The following PTPRD variants were observed in gnomAD, a reference collection of about 807,000 sequenced individuals.
PTPRD encodes the protein protein tyrosine phosphatase receptor type D.
In PTPRD, 34 loss-of-function variants were observed where a neutral mutation model predicts 214.5. That is an observed-to-expected ratio of 0.16 (90% confidence interval 0.12 to 0.21). The LOEUF (loss-of-function observed/expected upper bound fraction) is 0.21, where lower values mean the gene tolerates loss of function less well. PTPRD is among the 10% of genes least tolerant of loss of function. PTPRD has a pLI of 1.00. For missense variants in PTPRD, 2,545 were observed against 2,398.7 expected, an observed-to-expected ratio of 1.06 and a Z score of -1.27; for synonymous variants, 1,128 against 845.7, an observed-to-expected ratio of 1.33 and a Z score of -5.79.
intron 14 of PTPRD, among the ~76,000 whole-genome samples, chr9:8,600,140 GCTGCC>G (rs1394721539): frequency 1.3e-5 from 2 of 152,170 alleles, no homozygotes; most frequent in Non-Finnish European, 2.9e-5. Flanking sequence ...CCAACTCAGT[GCTGCC>G]CTCTCACAGT....
intron 8 of PTPRD, among the ~76,000 whole-genome samples, chr9:9,531,367 C>T (rs971376263): frequency 2.6e-5 from 4 of 151,996 alleles, no homozygotes; most frequent in African/African-American, 9.7e-5. Flanking sequence ...TAATAAGTAC[C>T]TATTAGTAAT....
At chr9:9,835,690 C>A (rs1446090917) in intron 5 of PTPRD, among the ~76,000 whole-genome samples, 1 of 152,014 alleles carries the variant, frequency 6.6e-6, no homozygotes, top group Non-Finnish European at 1.5e-5. Flanking sequence ...GTGACCATAC[C>A]AAAGTAAGTA....
chr9:8,844,277 T>C (rs1009464921), intron 11 of PTPRD, among the ~76,000 whole-genome samples: 1 of 152,228 alleles, frequency 6.6e-6, no homozygotes, highest in Non-Finnish European at 1.5e-5. Flanking sequence ...ACATTATTAC[T>C]GTAAAGCCCT....
At chr9:9,914,353 C>T (rs980593559) in intron 5 of PTPRD, among the ~76,000 whole-genome samples, 7 of 152,166 alleles carry the variant, frequency 4.6e-5, no homozygotes, top group East Asian at 3.9e-4. Context: ...ACCCATGGGC[C>T]AGGAAAACAG....
chr9:10,518,753 T>A (rs374933400), intron 2 of PTPRD, among the ~76,000 whole-genome samples: 2 of 152,026 alleles, frequency 1.3e-5, no homozygotes, highest in Non-Finnish European at 2.9e-5. Flanking sequence ...AAGATGGTCT[T>A]GATCTCCTGA....
At chr9:9,928,882 A>C (rs1232174329) in intron 5 of PTPRD, among the ~76,000 whole-genome samples, 3 of 152,086 alleles carry the variant, frequency 2.0e-5, no homozygotes, top group African/African-American at 7.2e-5. Flanking sequence ...TGGTAATATC[A>C]ATTAGTTTTC....
chr9:10,046,950 T>C (rs571980173), intron 3 of PTPRD, among the ~76,000 whole-genome samples: 1 of 152,144 alleles, frequency 6.6e-6, no homozygotes, highest in East Asian at 1.9e-4. Context: ...TGAAATATTT[T>C]ATTGATAATA....
intron 12 of PTPRD, among the ~76,000 whole-genome samples, chr9:8,721,176 C>G (rs753104985): frequency 2.0e-5 from 3 of 151,846 alleles, no homozygotes; most frequent in Non-Finnish European, 2.9e-5. Context: ...CACCTGTTAT[C>G]CCAACACTTT....
chr9:10,260,154 T>C (rs531732952), intron 3 of PTPRD, among the ~76,000 whole-genome samples: 219 of 152,334 alleles, frequency 1.4e-3, no homozygotes, highest in African/African-American at 5.0e-3. Context: ...CCCTGTGGTA[T>C]TATGTGTTAA....
chr9:8,378,961 C>T (rs971300853), intron 37 of PTPRD, among the ~76,000 whole-genome samples: 1 of 151,846 alleles, frequency 6.6e-6, no homozygotes, highest in Non-Finnish European at 1.5e-5. Flanking sequence ...TTTCAAACTG[C>T]AACTATTATT....
intron 9 of PTPRD, among the ~76,000 whole-genome samples, chr9:9,295,900 CTTT>C (rs1396504205): frequency 2.0e-5 from 3 of 151,822 alleles, no homozygotes; most frequent in Admixed American, 2.0e-4. Flanking sequence ...TAAAGCCTCT[CTTT>C]TTAGCCTATT....
intron 3 of PTPRD, among the ~76,000 whole-genome samples, chr9:10,117,252 T>C (rs2098737605): frequency 6.6e-6 from 1 of 152,098 alleles, no homozygotes; most frequent in Admixed American, 6.6e-5. Flanking sequence ...TAACAGTAAA[T>C]TAGCCCATTT....
chr9:8,511,770 T>C (rs1400562688), intron 21 of PTPRD, among the ~76,000 whole-genome samples: 1 of 152,170 alleles, frequency 6.6e-6, no homozygotes, highest in Admixed American at 6.5e-5. Flanking sequence ...GTCCGCCCTC[T>C]TGATTACTTA....
chr9:10,329,937 T>A (rs1456996411), intron 3 of PTPRD, among the ~76,000 whole-genome samples: 1 of 151,868 alleles, frequency 6.6e-6, no homozygotes, highest in Non-Finnish European at 1.5e-5. Context: ...CATTTCTTTA[T>A]ATTTTAAATA....
chr9:8,544,938 A>G (rs2079595963), intron 14 of PTPRD, among the ~76,000 whole-genome samples: 2 of 148,934 alleles, frequency 1.3e-5, no homozygotes, highest in South Asian at 4.2e-4. Context: ...TTTTGTATCA[A>G]AGTGCCTTCT....
intron 11 of PTPRD, among the ~76,000 whole-genome samples, chr9:8,738,436 T>C (rs1301163252): frequency 6.6e-6 from 1 of 152,142 alleles, no homozygotes; most frequent in African/African-American, 2.4e-5. Context: ...AAAGACAAAC[T>C]AGGGCCTAGA....
intron 10 of PTPRD, among the ~76,000 whole-genome samples, chr9:9,096,793 T>C (rs2099784165): frequency 1.3e-5 from 2 of 152,180 alleles, no homozygotes; most frequent in South Asian, 4.1e-4. Context: ...ATGAGGTTTA[T>C]ATAATGCTAT....
chr9:8,397,878 T>G (rs910244162), intron 36 of PTPRD, among the ~76,000 whole-genome samples: 3 of 152,136 alleles, frequency 2.0e-5, no homozygotes, highest in Non-Finnish European at 2.9e-5. Context: ...ATGCTTGGAT[T>G]TTTTTGAATT....
chr9:10,184,148 G>C (rs1196091475), intron 3 of PTPRD, among the ~76,000 whole-genome samples: 1 of 152,126 alleles, frequency 6.6e-6, no homozygotes, highest in East Asian at 1.9e-4. Flanking sequence ...TTTTAGGCCG[G>C]GTGCAGTGGG....
Sources: allele counts gnomAD v4.1 joint callset (sites outside exome capture counted in the v4.1 genomes callset), GRCh38; gene constraint gnomAD v4.1.1; transcripts MANE v1.5; gene names NCBI Gene and HGNC (gene_info 2026-07-23, HGNC 2026-07-21).